The following RBMS3 variants were observed in gnomAD, a reference collection of about 807,000 sequenced individuals.
RBMS3 encodes the protein RNA binding motif single stranded interacting protein 3.
Under a neutral mutation model 66.8 loss-of-function variants are expected in RBMS3, and 27 were observed. That is an observed-to-expected ratio of 0.40 (90% CI 0.30 to 0.56). The LOEUF is 0.56. RBMS3 is among the 20% of genes least tolerant of loss of function. The pLI is 0.40. For synonymous variants in RBMS3, 188 were observed against 183.0 expected, an observed-to-expected ratio of 1.03 and a Z score of -0.22; for missense variants, 513 against 549.5, an observed-to-expected ratio of 0.93 and a Z score of 0.66.
chr3:29,796,710 A>ATTTTTTTTTTTTTTTTTTTTTT (rs1576829680), intron 6 of RBMS3, among the ~76,000 whole-genome samples: 7 of 93,356 alleles, frequency 7.5e-5, no homozygotes, highest in African/African-American at 3.6e-4. Context: ...TTTGAAAGGA[A>ATTTTTTTTTTTTTTTTTTTTTT]TCTTTTTTTT....
intron 1 of RBMS3, among the ~76,000 whole-genome samples, chr3:29,362,569 C>T (rs2037664529): frequency 6.6e-6 from 1 of 152,168 alleles, no homozygotes; most frequent in Admixed American, 6.5e-5. Context: ...CTACTCTCTT[C>T]AAAGCTCAGT....
At chr3:29,495,861 C>G (rs1201997857) in intron 3 of RBMS3, among the ~76,000 whole-genome samples, 1 of 152,090 alleles carries the variant, frequency 6.6e-6, no homozygotes, top group Non-Finnish European at 1.5e-5. Flanking sequence ...CACTGACATG[C>G]ATTTGTGGTG....
chr3:29,424,201 G>A (rs904442286), intron 1 of RBMS3, among the ~76,000 whole-genome samples: 4 of 152,170 alleles, frequency 2.6e-5, no homozygotes, highest in African/African-American at 9.7e-5. Flanking sequence ...ATAATTTTAG[G>A]TGATCCTTGA....
intron 13 of RBMS3, among the ~76,000 whole-genome samples, chr3:29,988,762 C>A (rs920482928): frequency 3.3e-5 from 5 of 151,502 alleles, no homozygotes; most frequent in Admixed American, 2.0e-4. Context: ...GAGACCCTGT[C>A]AGAAGGAAGA....
At chr3:29,408,129 G>A (rs1410790812) in intron 1 of RBMS3, among the ~76,000 whole-genome samples, 7 of 151,092 alleles carry the variant, frequency 4.6e-5, no homozygotes, top group African/African-American at 1.7e-4. Context: ...AAAATTAGCT[G>A]GGTGTGGTGG....
At chr3:29,350,900 C>T (rs2036872113) in intron 1 of RBMS3, among the ~76,000 whole-genome samples, 1 of 151,724 alleles carries the variant, frequency 6.6e-6, no homozygotes, top group Non-Finnish European at 1.5e-5. Context: ...AAAATTAATA[C>T]TATGGAAAGC....
chr3:29,734,833 A>G (rs2054307535), intron 4 of RBMS3, among the ~76,000 whole-genome samples: 1 of 152,114 alleles, frequency 6.6e-6, no homozygotes, highest in Admixed American at 6.6e-5. Flanking sequence ...TGCATTTTGC[A>G]TATCCTTTTA....
chr3:29,507,967 AG>A (rs1351918885), intron 3 of RBMS3, among the ~76,000 whole-genome samples: 5 of 152,154 alleles, frequency 3.3e-5, no homozygotes, highest in African/African-American at 9.6e-5. Context: ...CTGAGATGCA[AG>A]AAAAACTCAT....
chr3:29,523,811 T>C (rs1484424270), intron 3 of RBMS3, among the ~76,000 whole-genome samples: 1 of 152,158 alleles, frequency 6.6e-6, no homozygotes, highest in Non-Finnish European at 1.5e-5. Context: ...CATAGCTCAC[T>C]GCAGCCTCTA....
In RBMS3 at chr3:30,009,163, T is replaced by A. The variant is rs1039172948; in HGVS notation, c.*5301T>A. On this transcript the variant is annotated 3_prime_UTR_variant, in exon 15 of 15. Transcript: ENST00000383767. ...CACTGAGTCATACTTGAGCTTTTCT[T>A]ACTACTGCCCCAATTTCTAAATTGT... 4 of 152,108 alleles carry A rather than the reference T, an allele frequency of 2.6e-5. No homozygotes were observed. Among genetic ancestry groups the A allele is most frequent in the African/African-American group, 9.7e-5 (4 of 41,440 alleles). 9.4% of individuals were successfully genotyped at this position (152,108 alleles called of 1,614,324 possible).
intron 1 of RBMS3, among the ~76,000 whole-genome samples, chr3:29,334,551 C>T (rs2035841178): frequency 6.6e-6 from 1 of 151,918 alleles, no homozygotes; most frequent in African/African-American, 2.4e-5. Flanking sequence ...AAATCAAAAA[C>T]TAATATTTTC....
At chr3:29,765,221 G>T (rs1312635367) in intron 6 of RBMS3, among the ~76,000 whole-genome samples, 1 of 151,832 alleles carries the variant, frequency 6.6e-6, no homozygotes, top group Non-Finnish European at 1.5e-5. Context: ...AGTCATAACA[G>T]GTATAATTAC....
At chr3:29,306,196 A>G (rs1370584163) in intron 1 of RBMS3, among the ~76,000 whole-genome samples, 2 of 151,960 alleles carry the variant, frequency 1.3e-5, no homozygotes, top group Non-Finnish European at 2.9e-5. Flanking sequence ...TGGAAAACTA[A>G]TCTCCCATTG....
intron 1 of RBMS3, among the ~76,000 whole-genome samples, chr3:29,388,283 C>T (rs2039107281): frequency 1.3e-5 from 2 of 152,188 alleles, no homozygotes; most frequent in Non-Finnish European, 2.9e-5. Context: ...AATAGAATGT[C>T]AGCTTCAGAA....
chr3:29,880,719 C>T, intron 7 of RBMS3: 1 of 1,461,870 alleles, frequency 6.8e-7, no homozygotes, highest in African/African-American at 1.4e-5. Context: ...ATGTTGTTAC[C>T]CACAATGTTC....
intron 5 of RBMS3, among the ~76,000 whole-genome samples, chr3:29,744,785 G>GGAAAA (rs34726699): frequency 7.2e-6 from 1 of 138,190 alleles, no homozygotes; most frequent in African/African-American, 2.7e-5. Flanking sequence ...CTCCGTCTCG[G>GGAAAA]AAAAAAAAAA....
At chr3:29,670,709 G>C (rs981032630) in intron 4 of RBMS3, among the ~76,000 whole-genome samples, 1 of 152,182 alleles carries the variant, frequency 6.6e-6, no homozygotes, top group African/African-American at 2.4e-5. Flanking sequence ...GTGGAGGGGC[G>C]TCCTCCACTG....
chr3:29,723,360 G>A (rs1358547542), intron 4 of RBMS3, among the ~76,000 whole-genome samples: 1 of 152,108 alleles, frequency 6.6e-6, no homozygotes, highest in Non-Finnish European at 1.5e-5. Context: ...TTTTGTTAAC[G>A]TCAATATTCC....
In RBMS3 at chr3:29,281,738, T is replaced by G. The variant is rs766278979; in HGVS notation, c.57T>G (p.Pro19=). Reference sequence around the variant, plus strand: ...ACCCCCAGTACACTTACTACTATCCTCATTATCTCCAAACCAAGGTATGGC... The same window carrying G: ...ACCCCCAGTACACTTACTACTATCCGCATTATCTCCAAACCAAGGTATGGC... ...QMYPQYTYYY[P]HYLQTKQSYA... The change falls in exon 1 of 15, where the codon CCT becomes CCG. Residue 19 remains proline, a synonymous_variant. Coordinates refer to ENST00000383767, the MANE Select transcript of RBMS3 (RefSeq NM_001003793.3). The G allele has an allele frequency of 1.2e-6, 2 of 1,613,048 alleles. No homozygotes were observed. Among genetic ancestry groups the G allele is most frequent in the Non-Finnish European group, 1.7e-6 (2 of 1,179,414 alleles).
Sources: gnomAD v4.1 joint callset for allele counts (sites outside exome capture counted in the v4.1 genomes callset) on GRCh38, gnomAD v4.1.1 for gene constraint, MANE v1.5 for transcripts, NCBI Gene and HGNC (gene_info 2026-07-23, HGNC 2026-07-21) for gene names.